The following KIAA0319L variants were observed in gnomAD, a reference collection of about 807,000 sequenced individuals.
KIAA0319L encodes the protein KIAA0319 like, also known as dyslexia-associated protein KIAA0319-like protein.
KIAA0319L carries 55 observed loss-of-function variants against 120.1 expected under a neutral mutation model. The observed-to-expected ratio is 0.46, with a 90% CI of 0.37 to 0.57. The LOEUF (loss-of-function observed/expected upper bound fraction) is 0.57, where lower values mean the gene tolerates loss of function less well. KIAA0319L is among the 20% of genes least tolerant of loss of function. KIAA0319L has a pLI of 0.00. For missense variants in KIAA0319L, 1,049 were observed against 1,255.3 expected (o/e 0.84, Z 2.48); for synonymous variants, 398 against 471.9 (o/e 0.84, Z 2.03).
upstream of KIAA0319L, chr1:35,557,500 G>A: frequency 2.8e-6 from 1 of 356,444 alleles, no homozygotes; most frequent in South Asian, 2.0e-5. Context: ...AATGCCGGCC[G>A]CGAGACCAAG....
Position 35,479,208 on chromosome 1 carries a change from TG to T in KIAA0319L, c.670del (p.His224ThrfsTer10). ...GLTTSGSAEV[H>X]KAITISSPLT... The stretch of plus-strand genomic sequence containing the variant: ...GGGACTGGAAATTGTAATCGCCTTG[TG>T]GACCTAAAGAAATAAAAAAACTAAT... On this transcript the variant is annotated frameshift_variant, in exon 4 of 21. Transcript: ENST00000325722. LOFTEE classifies it high-confidence loss of function. 6.2e-7 allele frequency: 1 copy of T among 1,612,382 alleles called. No individual in the cohort carries two copies. The highest frequency in any genetic ancestry group is 8.5e-7 in the Non-Finnish European group (1 of 1,178,640).
At chr1:35,495,880 A>C (rs1214125469) in intron 3 of KIAA0319L, among the ~76,000 whole-genome samples, 9 of 151,500 alleles carry the variant, frequency 5.9e-5, no homozygotes, top group Non-Finnish European at 1.2e-4. Context: ...AAAAAAAAAA[A>C]CATGAATGGC....
At chr1:35,554,756 C>A (rs969531943) in intron 1 of KIAA0319L, 2 of 291,088 alleles carry the variant, frequency 6.9e-6, no homozygotes, top group African/African-American at 2.2e-5. Context: ...ACTTTATATT[C>A]CTTTTTTTTT....
chr1:35,534,858 CAAAAAAAAAA>C (rs779838672), intron 2 of KIAA0319L, among the ~76,000 whole-genome samples: 4 of 42,636 alleles, frequency 9.4e-5, no homozygotes, highest in Non-Finnish European at 1.6e-4. Flanking sequence ...GACTCCGTCT[CAAAAAAAAAA>C]AAAAAAAAAA....
chr1:35,521,369 T>G (rs905876629), intron 2 of KIAA0319L, among the ~76,000 whole-genome samples: 1 of 151,450 alleles, frequency 6.6e-6, no homozygotes, highest in Admixed American at 6.6e-5. Flanking sequence ...GCGCAGTGGC[T>G]CACGCCTGTA....
chr1:35,454,547 C>T (rs1325969691), intron 10 of KIAA0319L, 62 bp from the exon 11 acceptor site: 15 of 1,595,282 alleles, frequency 9.4e-6, no homozygotes, highest in East Asian at 2.2e-5. Flanking sequence ...ACAATAATTC[C>T]GACTCTGGTA....
chr1:35,503,887 CTT>C (rs1175289801), intron 3 of KIAA0319L, among the ~76,000 whole-genome samples: 46 of 138,544 alleles, frequency 3.3e-4, no homozygotes, highest in Non-Finnish European at 3.2e-4. Flanking sequence ...TTGTGATTTT[CTT>C]TTTTTTTTTT....
At chr1:35,436,542 AC>A (rs1640805652) in intron 20 of KIAA0319L, among the ~76,000 whole-genome samples, 2 of 152,030 alleles carry the variant, frequency 1.3e-5, no homozygotes, top group South Asian at 4.1e-4. Flanking sequence ...TGAAATACCC[AC>A]CTGTTCACAG....
chr1:35,505,620 C>T (rs1274558183), intron 3 of KIAA0319L, among the ~76,000 whole-genome samples: 1 of 152,140 alleles, frequency 6.6e-6, no homozygotes, highest in Non-Finnish European at 1.5e-5. Context: ...TAGAAAAGTG[C>T]CTGACATTGA....
At chr1:35,493,560 A>T (rs560813181) in intron 3 of KIAA0319L, among the ~76,000 whole-genome samples, 2 of 152,220 alleles carry the variant, frequency 1.3e-5, no homozygotes, top group South Asian at 4.1e-4. Flanking sequence ...GCTGGTATAC[A>T]TGTCTTTCTT....
At chr1:35,557,526 T>C (rs1571076861), upstream of KIAA0319L, 1 of 386,310 alleles carries the variant, frequency 2.6e-6, no homozygotes, top group East Asian at 7.3e-5. Context: ...GGAGGGGCAG[T>C]GCTGGGCGGG....
chr1:35,535,743 A>G (rs1255639107), intron 2 of KIAA0319L, among the ~76,000 whole-genome samples: 2 of 152,122 alleles, frequency 1.3e-5, no homozygotes, highest in Non-Finnish European at 1.5e-5. Context: ...TTCTCCCATG[A>G]AACCTTCACC....
intron 2 of KIAA0319L, among the ~76,000 whole-genome samples, chr1:35,544,269 T>C (rs1643023050): frequency 6.7e-6 from 1 of 150,252 alleles, no homozygotes; most frequent in South Asian, 2.1e-4. Context: ...CTCGGGAGGC[T>C]GAGGCAGGAG....
At chr1:35,486,391 A>C (rs1225998395) in intron 3 of KIAA0319L, among the ~76,000 whole-genome samples, 1 of 151,586 alleles carries the variant, frequency 6.6e-6, no homozygotes, top group Non-Finnish European at 1.5e-5. Context: ...AAAAAAAAAA[A>C]AAAAAAAGAA....
rs1291510044 is a variant in KIAA0319L at position 35,506,487 on chromosome 1, C to A, written c.666+125G>T. 2 of 900,034 alleles carry A rather than the reference C, an allele frequency of 2.2e-6. No individual in the cohort carries two copies. The highest frequency in any genetic ancestry group is 3.4e-6 in the Non-Finnish European group (2 of 587,984). 55.8% of individuals were successfully genotyped at this position (900,034 alleles called of 1,614,324 possible). A position where few individuals can be genotyped will look rare whatever the true frequency, so the allele number is the denominator to read the frequency against. On this transcript the variant is annotated intron_variant, in intron 3 of 20. Coordinates refer to ENST00000325722, the MANE Select transcript of KIAA0319L (RefSeq NM_024874.5). This position sits in a 1 kb window ranked among gnomAD's most constrained non-coding sequence, Gnocchi z 4.0. ...CAGCACCAAAGAAGCTGACACCAAG[C>A]AGCTTTATATATACACTCCTCAGCC... is the stretch of plus-strand genomic sequence containing the variant.
At chr1:35,523,933 G>T (rs1203601333) in intron 2 of KIAA0319L, among the ~76,000 whole-genome samples, 1 of 152,174 alleles carries the variant, frequency 6.6e-6, no homozygotes, top group Non-Finnish European at 1.5e-5. Context: ...TTAAGTGCAA[G>T]TGAGTCAAAA....
intron 9 of KIAA0319L, among the ~76,000 whole-genome samples, chr1:35,458,036 C>T (rs183868270): frequency 1.3e-5 from 2 of 152,188 alleles, no homozygotes; most frequent in Non-Finnish European, 2.9e-5. Context: ...ACTGGGTTCA[C>T]GCCATTCTCC....
intron 7 of KIAA0319L, among the ~76,000 whole-genome samples, chr1:35,465,604 T>C (rs1319834369): frequency 1.3e-5 from 2 of 152,128 alleles, no homozygotes; most frequent in Non-Finnish European, 2.9e-5. Context: ...GTTAAGACTT[T>C]GGGGGACTGT....
intron 2 of KIAA0319L, among the ~76,000 whole-genome samples, chr1:35,543,381 T>C (rs1646864437): frequency 2.0e-5 from 3 of 152,182 alleles, no homozygotes; most frequent in Non-Finnish European, 2.9e-5. Flanking sequence ...ATAGGACAAT[T>C]TGGCAGGAGA....
Sources: allele counts gnomAD v4.1 joint callset (sites outside exome capture counted in the v4.1 genomes callset), GRCh38; gene constraint gnomAD v4.1.1; non-coding constraint Gnocchi (gnomAD v3.1); transcripts MANE v1.5; gene names NCBI Gene and HGNC (gene_info 2026-07-23, HGNC 2026-07-21).